SLC12A8: variants seen among roughly 807,000 people sequenced by gnomAD.
SLC12A8 encodes the protein cation-chloride cotransporter 9.
Under a neutral mutation model 75.6 loss-of-function variants are expected in SLC12A8, and 69 were observed. The ratio of observed to expected loss-of-function variants is 0.91; its 90% CI spans 0.75 to 1.11. SLC12A8 has a LOEUF of 1.11. Ranked by LOEUF, SLC12A8 falls within the 50% of genes most tolerant of loss-of-function variation. SLC12A8 has a pLI of 0.00. For synonymous variants in SLC12A8, 365 were observed against 372.8 expected (o/e 0.98, Z 0.24); for missense variants, 877 against 896.7 (o/e 0.98, Z 0.28).
intron 2 of SLC12A8, among the ~76,000 whole-genome samples, chr3:125,193,319 G>A (rs1295981595): frequency 6.6e-6 from 1 of 152,166 alleles, no homozygotes; most frequent in Admixed American, 6.5e-5. Context: ...GCAGTGAGCC[G>A]AGATTGCACC....
At position 125,091,492 on chromosome 3, in the gene SLC12A8, A is replaced by C. The variant is rs1938580040; in HGVS notation, c.1868T>G (p.Val623Gly). 1.2e-6 allele frequency: 2 copies of C among 1,614,044 alleles called. No individual in the cohort carries two copies. The highest frequency in any genetic ancestry group is 1.7e-6 in the Non-Finnish European group (2 of 1,179,924). Residue 623 changes from valine to glycine, a missense_variant, in exon 12 of 14, where the codon GTT (valine) becomes GGT (glycine). Coordinates refer to ENST00000469902, the MANE Select transcript of SLC12A8 (RefSeq NM_024628.6). Reference protein sequence around the residue: ...QWVYTLVNMGVAAIVYFYIGR... With the variant: ...QWVYTLVNMGGAAIVYFYIGR... ...AATGTAGAAATACACGATGGCAGCAACACCCATGTTAACCAGGGTATACAC... is the reference window on the plus strand; with the variant it reads ...AATGTAGAAATACACGATGGCAGCACCACCCATGTTAACCAGGGTATACAC...
rs755531493 is a variant in SLC12A8, at chr3:125,207,075, G to A, written c.51+4224C>T. Among the ~76,000 whole-genome samples, 133 of 152,250 alleles carry A rather than the reference G, an allele frequency of 8.7e-4. 1 individual carries two copies. The highest frequency in any genetic ancestry group is 5.8e-4 in the East Asian group (3 of 5,184). On this transcript the variant is annotated intron_variant, in intron 2 of 13. Coordinates refer to ENST00000469902, the MANE Select transcript of SLC12A8 (RefSeq NM_024628.6). Reference sequence around the variant, plus strand: ...GACACAGAAGGGAAAGAGCTGGGACGCTGTACAAGAAGACGGAGCAGAGTC... The same window carrying A: ...GACACAGAAGGGAAAGAGCTGGGACACTGTACAAGAAGACGGAGCAGAGTC...
rs548348162 is a variant in SLC12A8, at chr3:125,181,272, A to G, written c.391-3298T>C. Among the ~76,000 whole-genome samples, 4 of 152,376 alleles carry G rather than the reference A, an allele frequency of 2.6e-5. No homozygotes were observed. The South Asian group carries it at 8.3e-4, about 32-fold the overall frequency. On this transcript the variant is annotated intron_variant, in intron 4 of 13. Coordinates refer to ENST00000469902, the MANE Select transcript of SLC12A8 (RefSeq NM_024628.6). The stretch of plus-strand genomic sequence containing the variant: ...GCATAACTAAACTTGGGTTCAGAAG[A>G]GAAAAATGTATAGTCTTAAATGATT...
chr3:125,097,035 T>C (rs1216171932), intron 10 of SLC12A8, among the ~76,000 whole-genome samples: 1 of 152,208 alleles, frequency 6.6e-6, no homozygotes, highest in Admixed American at 6.5e-5. Flanking sequence ...ATTTTAACAA[T>C]TTAATTAATG....
chr3:125,184,331 G>C (rs950768037), intron 4 of SLC12A8, among the ~76,000 whole-genome samples: 1 of 152,138 alleles, frequency 6.6e-6, no homozygotes, highest in African/African-American at 2.4e-5. Context: ...ATGCTCTAGG[G>C]AAGGGATTGA....
At chr3:125,178,055 C>T (rs1247984493) in intron 4 of SLC12A8, 81 bp from the exon 5 acceptor site, 1 of 1,152,492 alleles carries the variant, frequency 8.7e-7, no homozygotes, top group Non-Finnish European at 1.3e-6. Context: ...CGCTGAGAAC[C>T]CTGCACCCCC....
chr3:125,193,441 G>C (rs1160964836), intron 2 of SLC12A8, among the ~76,000 whole-genome samples: 1 of 152,214 alleles, frequency 6.6e-6, no homozygotes, highest in Non-Finnish European at 1.5e-5. Flanking sequence ...CGCCACATTT[G>C]TGATGCCATT....
chr3:125,161,680 C>CAAA (rs36098782), intron 5 of SLC12A8, among the ~76,000 whole-genome samples: 7 of 143,274 alleles, frequency 4.9e-5, no homozygotes, highest in Non-Finnish European at 7.6e-5. Context: ...GTACTTTTCT[C>CAAA]AAAAAAAAAA....
chr3:125,125,595 G>A (rs1278030614), intron 6 of SLC12A8, among the ~76,000 whole-genome samples: 1 of 152,122 alleles, frequency 6.6e-6, no homozygotes, highest in Non-Finnish European at 1.5e-5. Context: ...CAGTTATTTA[G>A]AATCATGATT....
chr3:125,108,364 CT>C (rs113688336), intron 9 of SLC12A8, among the ~76,000 whole-genome samples: 2,413 of 145,730 alleles, frequency 0.017, 60 homozygotes, highest in African/African-American at 0.051. Flanking sequence ...GCATTAGCAA[CT>C]TTTTTTTTTT....
At position 125,107,791 on chromosome 3, in the gene SLC12A8, G is replaced by T. The variant is rs763554977; in HGVS notation, c.1395C>A (p.Leu465=). 2 of 1,613,990 alleles carry T rather than the reference G, an allele frequency of 1.2e-6. No homozygotes were observed. Among genetic ancestry groups the T allele is most frequent in the Non-Finnish European group, 1.7e-6 (2 of 1,180,030 alleles). ...TCTCAAGCTTCCTGGTTAGCTGGAG[G>T]AGCTGATCCATGTCCTTGGTGAATT... ...LLEFTKDMDQ[L]LQLTRKLESS... The change falls in exon 10 of 14, where the codon CTC becomes CTA. Residue 465 remains leucine, a synonymous_variant. Coordinates refer to ENST00000469902, the MANE Select transcript of SLC12A8 (RefSeq NM_024628.6).
intron 9 of SLC12A8, among the ~76,000 whole-genome samples, chr3:125,109,176 C>T (rs1043012808): frequency 6.6e-6 from 1 of 152,174 alleles, no homozygotes; most frequent in Non-Finnish European, 1.5e-5. Flanking sequence ...TGGCTTTTCA[C>T]GTCTCTGAAC....
At chr3:125,149,752 A>AG in intron 5 of SLC12A8, among the ~76,000 whole-genome samples, 1 of 152,174 alleles carries the variant, frequency 6.6e-6, no homozygotes, top group African/African-American at 2.4e-5. Flanking sequence ...GTGGGGGCAG[A>AG]GGGGAAAAAG....
intron 8 of SLC12A8, among the ~76,000 whole-genome samples, chr3:125,116,134 T>C (rs901857173): frequency 6.6e-6 from 1 of 152,170 alleles, no homozygotes; most frequent in African/African-American, 2.4e-5. Context: ...AGAAAAGGTG[T>C]GGGAGGAAAC....
At chr3:125,158,286 T>C (rs779557321) in intron 5 of SLC12A8, among the ~76,000 whole-genome samples, 2 of 152,068 alleles carry the variant, frequency 1.3e-5, no homozygotes, top group African/African-American at 2.4e-5. Flanking sequence ...AGTGGCGCGA[T>C]CTTGGCTCAT....
intron 11 of SLC12A8, 94 bp from the exon 12 acceptor site, chr3:125,091,650 CTCA>C (rs1938585610): frequency 3.7e-6 from 3 of 813,740 alleles, no homozygotes; most frequent in African/African-American, 1.7e-5. Flanking sequence ...AACATTCCCT[CTCA>C]TCAACTTCTG....
At chr3:125,130,997 A>T (rs1434212798) in intron 6 of SLC12A8, among the ~76,000 whole-genome samples, 1 of 152,240 alleles carries the variant, frequency 6.6e-6, no homozygotes, top group Non-Finnish European at 1.5e-5. Context: ...GTCTTCACTC[A>T]GTGGGGACAC....
chr3:125,095,399 A>G lies in SLC12A8; in HGVS notation c.1706-3201T>C, dbSNP rs1417048474. On this transcript the variant is annotated intron_variant, in intron 10 of 13. Transcript: ENST00000469902. ...ATCCATAAACCTTGTTTATTCTACT[A>G]TCAGAATATATTCTGGATACAATGA... 3.5e-4 allele frequency among the ~76,000 whole-genome samples: 54 copies of G among 152,166 alleles called. 2 individuals carry two copies. The highest frequency in any genetic ancestry group is 3.5e-3 in the Admixed American group (54 of 15,278).
intron 6 of SLC12A8, among the ~76,000 whole-genome samples, 192 bp downstream of exon 6, chr3:125,135,477 A>G (rs574203175): frequency 7.2e-5 from 11 of 152,350 alleles, no homozygotes; most frequent in African/African-American, 2.6e-4. Context: ...CCTGGGCAAC[A>G]TAGTGAGACC....
Sources: allele counts gnomAD v4.1 joint callset (sites outside exome capture counted in the v4.1 genomes callset), GRCh38; gene constraint gnomAD v4.1.1; transcripts MANE v1.5; gene names NCBI Gene and HGNC (gene_info 2026-07-23, HGNC 2026-07-21).